Variants in NEB observed in about 807,000 individuals in gnomAD.
NEB encodes the protein nebulin, also known as nemaline myopathy type 2.
A neutral mutation model predicts 952.2 loss-of-function variants in NEB; 512 were observed. That is an observed-to-expected ratio of 0.54 (90% CI 0.50 to 0.58). NEB has a LOEUF of 0.58. NEB is among the 20% of genes least tolerant of loss of function. The probability of loss-of-function intolerance (pLI) is 0.00; values close to 1 mark genes in which losing one functional copy is unlikely to be tolerated. For missense variants in NEB, 8,428 were observed against 9,231.1 expected (o/e 0.91, Z 3.56); for synonymous variants, 2,900 against 3,149.8 (o/e 0.92, Z 2.66).
chr2:151,691,081 C>G (rs568270970), intron 23 of NEB, among the ~76,000 whole-genome samples: 2 of 152,166 alleles, frequency 1.3e-5, no homozygotes, highest in African/African-American at 4.8e-5. Flanking sequence ...AAGCCTTACA[C>G]AGTGACTCTT....
intron 173 of NEB, chr2:151,495,183 T>C (rs1448671419): frequency 2.6e-5 from 4 of 152,212 alleles, no homozygotes; most frequent in Non-Finnish European, 2.9e-5. Context: ...ATGAGAAACA[T>C]AGTAACACAT....
Position 151,724,930 on chromosome 2 carries a change from T to G in NEB, c.434A>C (p.Lys145Thr), listed in dbSNP as rs1025474893. The G allele has an allele frequency of 6.2e-7, 1 of 1,613,882 alleles. No homozygotes were observed. The highest frequency in any genetic ancestry group is 8.5e-7 in the Non-Finnish European group (1 of 1,179,844). The change falls in exon 7 of 182, where the codon AAG (lysine) becomes ACG (threonine). Residue 145 changes from lysine to threonine, a missense_variant. Lys to Thr is a moderately conservative substitution (Grantham distance 78). Coordinates refer to ENST00000397345, the MANE Select transcript of NEB (RefSeq NM_001164508.2). Reference sequence around the variant, plus strand: ...TTTTTCATCTACGTGACATATAGTCTTAGCAACATCACCATCCATTCGATA... The same window carrying G: ...TTTTTCATCTACGTGACATATAGTCGTAGCAACATCACCATCCATTCGATA... Reference protein sequence around the residue: ...VKYRMDGDVAKTICHVDEKAK... With the variant: ...VKYRMDGDVATTICHVDEKAK...
chr2:151,627,084 G>T lies in NEB; in HGVS notation c.10265C>A (p.Pro3422His), dbSNP rs756592613. Residue 3422 changes from proline (P) to histidine (H), a missense_variant, in exon 70 of 182, where the codon CCT becomes CAT. This residue lies in a region of NEB where 1,772 missense variants were observed against 1,960.3 expected (regional missense o/e 0.90). Transcript: ENST00000397345. ...EILSDNIYRQ[P>H]PDKLKFTSVT... Reference sequence around the variant, plus strand: ...ACTGGTAAATTTCAGCTTGTCCGGAGGCTGGCGGTAGATGTTATCACTCAG... The same window carrying T: ...ACTGGTAAATTTCAGCTTGTCCGGATGCTGGCGGTAGATGTTATCACTCAG... The T allele has an allele frequency of 1.9e-6, 3 of 1,613,804 alleles. No individual in the cohort carries two copies. The South Asian group carries it at 3.3e-5, about 18-fold the overall frequency.
intron 13 of NEB, among the ~76,000 whole-genome samples, chr2:151,701,508 G>T (rs1320925180): frequency 6.6e-6 from 1 of 150,474 alleles, no homozygotes; most frequent in Admixed American, 6.6e-5. Context: ...ACTCTTTTTG[G>T]TTGGTAAACT....
chr2:151,648,660 C>T (rs1003341114), intron 54 of NEB, among the ~76,000 whole-genome samples: 1 of 152,118 alleles, frequency 6.6e-6, no homozygotes. Context: ...TAGCAGCATC[C>T]CTGGCTTCTA....
At chr2:151,510,368 C>T (rs918450463) in intron 161 of NEB, among the ~76,000 whole-genome samples, 1 of 152,246 alleles carries the variant, frequency 6.6e-6, no homozygotes, top group Non-Finnish European at 1.5e-5. Flanking sequence ...GCTTTTGTTA[C>T]ATCCCAGCCT....
intron 107 of NEB, among the ~76,000 whole-genome samples, chr2:151,574,948 C>A (rs1002648480): frequency 2.0e-5 from 3 of 151,990 alleles, no homozygotes; most frequent in African/African-American, 7.2e-5. Flanking sequence ...CTATGTTGCC[C>A]AGACTAGTCT....
chr2:151,622,302 T>C (rs2098434620), intron 71 of NEB, among the ~76,000 whole-genome samples: 1 of 152,220 alleles, frequency 6.6e-6, no homozygotes, highest in Non-Finnish European at 1.5e-5. Flanking sequence ...TTGGTAAAGT[T>C]TCGTTTTAAT....
intron 65 of NEB, among the ~76,000 whole-genome samples, chr2:151,631,711 C>T (rs141292016): frequency 1.6e-3 from 247 of 152,004 alleles, no homozygotes; most frequent in African/African-American, 5.0e-3. Context: ...AATTTTAGGC[C>T]GAGGCAAATG....
chr2:151,562,575 C>T (rs1376829951), intron 120 of NEB, 36 bp downstream of exon 120: 1 of 1,520,574 alleles, frequency 6.6e-7, no homozygotes, highest in Non-Finnish European at 8.9e-7. Flanking sequence ...GTCATGGAAG[C>T]TGTAGCTGAG....
chr2:151,642,705 T>C (rs777909536), intron 59 of NEB, 24 bp from the exon 60 acceptor site: 8 of 1,610,884 alleles, frequency 5.0e-6, no homozygotes, highest in Non-Finnish European at 6.8e-6. Context: ...TAATAGTAAG[T>C]TGGATTTATA....
Position 151,677,738 on chromosome 2 carries a change from T to A in NEB, c.3601A>T (p.Lys1201Ter), listed in dbSNP as rs748453057. 1 of 1,614,048 alleles carries A rather than the reference T, an allele frequency of 6.2e-7. No homozygotes were observed. The highest frequency in any genetic ancestry group is 8.5e-7 in the Non-Finnish European group (1 of 1,179,884). The change falls in exon 34 of 182, where the codon AAA (lysine) becomes TAA (stop). Residue 1201 changes from lysine to a stop codon, truncating the protein, a stop_gained. Coordinates refer to ENST00000397345, the MANE Select transcript of NEB (RefSeq NM_001164508.2). LOFTEE classifies it high-confidence loss of function. ...VYKEDYNNWM[K>*]GIGWIPIGSL... The stretch of plus-strand genomic sequence containing the variant: ...CCAATAGGAATCCAGCCAATGCCTT[T>A]CATCCAGTTGTTGTAGTCTTCCTTG...
rs1258687150 is a variant in NEB at position 151,579,341 on chromosome 2, G to A, written c.16701C>T (p.Ser5567=). ...IQARKAYDLQ[S]DALYKADLEW... ...GTTTCCTGGGCGACACACTTACGTC[G>A]CTCTGTAGGTCGTAGGCTTTCCTGG... The change falls in exon 105 of 182, where the codon AGC becomes AGT. Residue 5567 remains serine (S), a synonymous_variant. Coordinates refer to ENST00000397345, the MANE Select transcript of NEB (RefSeq NM_001164508.2). The A allele has an allele frequency of 8.9e-6, 13 of 1,452,758 alleles. No individual in the cohort carries two copies. Among genetic ancestry groups the A allele is most frequent in the South Asian group, 6.0e-5 (5 of 83,000 alleles). 90.0% of individuals were successfully genotyped at this position (1,452,758 alleles called of 1,614,324 possible). A position where few individuals can be genotyped will look rare whatever the true frequency, so the allele number is the denominator to read the frequency against.
intron 153 of NEB, among the ~76,000 whole-genome samples, chr2:151,521,524 G>A (rs1460789996): frequency 6.6e-6 from 1 of 152,208 alleles, no homozygotes; most frequent in African/African-American, 2.4e-5. Context: ...GTTCCCAAGA[G>A]TTGTGAAACA....
intron 120 of NEB, 125 bp downstream of exon 120, chr2:151,562,486 G>A (rs1415405980): frequency 9.7e-7 from 1 of 1,035,008 alleles, no homozygotes; most frequent in African/African-American, 1.6e-5. Context: ...ATGCCACTTT[G>A]TTTTGAGAAG....
intron 129 of NEB, 119 bp downstream of exon 129, chr2:151,551,619 T>G (rs987128329): frequency 1.0e-4 from 77 of 753,214 alleles, no homozygotes; most frequent in Middle Eastern, 9.5e-4. Flanking sequence ...TTTTTTCACC[T>G]CATGTGAATA....
At chr2:151,725,312 G>T in intron 6 of NEB, 141 bp downstream of exon 6, 1 of 723,522 alleles carries the variant, frequency 1.4e-6, no homozygotes, top group Non-Finnish European at 2.3e-6. Flanking sequence ...CATGATCTAT[G>T]GTTCATGCTT....
Position 151,644,197 on chromosome 2 carries a change from C to T in NEB, c.7645-68G>A, listed in dbSNP as rs2098923811. On this transcript the variant is annotated intron_variant, in intron 56 of 181. Coordinates refer to ENST00000397345, the MANE Select transcript of NEB (RefSeq NM_001164508.2). ...CTGTTGCCATCTTTGTGGCAAATTA[C>T]AAAGCGCATTAACTCTAAATATTTT... The T allele has an allele frequency of 6.4e-6, 10 of 1,564,364 alleles. No individual in the cohort carries two copies. The Admixed American group carries it at 1.6e-4, about 25-fold the overall frequency.
chr2:151,660,669 A>C (rs182447631), intron 46 of NEB, among the ~76,000 whole-genome samples: 4 of 152,324 alleles, frequency 2.6e-5, no homozygotes, highest in Non-Finnish European at 5.9e-5. Context: ...TGTGGGCTAA[A>C]CAATTGCTGT....
Sources: allele counts gnomAD v4.1 joint callset (sites outside exome capture counted in the v4.1 genomes callset), GRCh38; gene constraint gnomAD v4.1.1; regional missense constraint gnomAD v4.1.1; transcripts MANE v1.5; gene names NCBI Gene and HGNC (gene_info 2026-07-23, HGNC 2026-07-21).